LRRFIP2: variants seen among roughly 807,000 people sequenced by gnomAD.
LRRFIP2 encodes leucine-rich repeat flightless-interacting protein 2.
A neutral mutation model predicts 125.9 loss-of-function variants in LRRFIP2; 109 were observed. The observed-to-expected ratio is 0.87, with a 90% confidence interval of 0.74 to 1.01. The LOEUF (loss-of-function observed/expected upper bound fraction) is 1.01, where lower values mean the gene tolerates loss of function less well. Among genes scored for constraint, LRRFIP2 ranks in the 50% least tolerant of loss-of-function variants. The pLI, the probability that LRRFIP2 is intolerant of heterozygous loss-of-function variation, is 0.00. For missense variants in LRRFIP2, 850 were observed against 862.3 expected, an observed-to-expected ratio of 0.99 and a Z score of 0.18; for synonymous variants, 291 against 293.1, an observed-to-expected ratio of 0.99 and a Z score of 0.07.
chr3:37,122,353 T>C (rs115166067), intron 4 of LRRFIP2, among the ~76,000 whole-genome samples: 36 of 152,218 alleles, frequency 2.4e-4, no homozygotes, highest in Admixed American at 7.8e-4. Flanking sequence ...GTTCCTATTT[T>C]ATCAGGCGTA....
At chr3:37,076,353 C>T (rs2092012941) in intron 19 of LRRFIP2, among the ~76,000 whole-genome samples, 1 of 151,792 alleles carries the variant, frequency 6.6e-6, no homozygotes, top group Admixed American at 6.6e-5. Flanking sequence ...GGCAAAACCC[C>T]ATCTCTATAA....
chr3:37,054,340 C>G, intron 27 of LRRFIP2, 71 bp downstream of exon 27: 1 of 1,269,864 alleles, frequency 7.9e-7, no homozygotes, highest in Non-Finnish European at 1.1e-6. Flanking sequence ...TCTTACACAG[C>G]TAAGAATTAT....
upstream of LRRFIP2, chr3:37,175,702 G>C (rs954386897): frequency 1.1e-4 from 17 of 152,310 alleles, no homozygotes; most frequent in African/African-American, 4.1e-4. Flanking sequence ...GGGGGTGCTC[G>C]TCCTGGGACA....
At chr3:37,054,002 A>G (rs755568675) in intron 27 of LRRFIP2, 41 bp from the exon 28 acceptor site, 1 of 1,169,974 alleles carries the variant, frequency 8.5e-7, no homozygotes, top group South Asian at 1.2e-5. Flanking sequence ...GTGGTCAGAA[A>G]CAACATCCAG....
At chr3:37,133,224 C>T (rs2095475117) in intron 2 of LRRFIP2, among the ~76,000 whole-genome samples, 1 of 152,162 alleles carries the variant, frequency 6.6e-6, no homozygotes, top group Non-Finnish European at 1.5e-5. Context: ...AACTCTGTCT[C>T]AGAAAACAAA....
At chr3:37,094,662 T>A in intron 17 of LRRFIP2, 130 bp downstream of exon 17, 1 of 616,644 alleles carries the variant, frequency 1.6e-6, no homozygotes, top group South Asian at 2.1e-5. Context: ...CACACTTTTG[T>A]ACAGTACTTA....
intron 25 of LRRFIP2, among the ~76,000 whole-genome samples, chr3:37,055,820 G>C (rs1420008548): frequency 1.3e-5 from 2 of 152,260 alleles, no homozygotes; most frequent in East Asian, 3.9e-4. Context: ...CTGCCCACGG[G>C]ACTGGGCCCT....
At chr3:37,103,891 A>G (rs891960585) in intron 14 of LRRFIP2, among the ~76,000 whole-genome samples, 2 of 152,194 alleles carry the variant, frequency 1.3e-5, no homozygotes, top group Non-Finnish European at 2.9e-5. Context: ...CACTTAACAC[A>G]GGGCTTTGAA....
intron 8 of LRRFIP2, among the ~76,000 whole-genome samples, chr3:37,112,334 C>CAAAAAAAAAAAAAAAAAAAAAAA (rs1408342199): frequency 1.4e-5 from 1 of 73,014 alleles, no homozygotes; most frequent in Non-Finnish European, 3.0e-5. Context: ...GACTCCATCT[C>CAAAAAAAAAAAAAAAAAAAAAAA]AAAAAAAGAA....
intron 2 of LRRFIP2, among the ~76,000 whole-genome samples, chr3:37,137,581 A>G (rs911017529): frequency 5.3e-5 from 8 of 152,170 alleles, no homozygotes; most frequent in African/African-American, 1.9e-4. Context: ...AGATAGGTAA[A>G]TAATCTTCTC....
At chr3:37,068,461 A>G (rs1429837974) in intron 21 of LRRFIP2, 1 of 152,236 alleles carries the variant, frequency 6.6e-6, no homozygotes, top group African/African-American at 2.4e-5. Flanking sequence ...TCCCATAATT[A>G]CAGATGAGAA....
At chr3:37,166,310 G>C (rs2096488844) in intron 1 of LRRFIP2, among the ~76,000 whole-genome samples, 2 of 151,718 alleles carry the variant, frequency 1.3e-5, no homozygotes, top group Admixed American at 1.3e-4. Context: ...AGCCTGGGCA[G>C]AGCAAGACTC....
At chr3:37,115,150 G>C in intron 6 of LRRFIP2, 55 bp from the exon 7 acceptor site, 1 of 1,192,528 alleles carries the variant, frequency 8.4e-7, no homozygotes, top group South Asian at 1.4e-5. Context: ...GAAATATAAA[G>C]AAGAGAAGAA....
At chr3:37,154,800 T>C (rs1326422397) in intron 1 of LRRFIP2, 1 of 152,250 alleles carries the variant, frequency 6.6e-6, no homozygotes, top group Non-Finnish European at 1.5e-5. Flanking sequence ...AAGAACAGAA[T>C]GTGCATGTAG....
intron 27 of LRRFIP2, among the ~76,000 whole-genome samples, 171 bp from the exon 28 acceptor site, chr3:37,054,132 T>C (rs1019346560): frequency 6.6e-6 from 1 of 152,208 alleles, no homozygotes; most frequent in African/African-American, 2.4e-5. Flanking sequence ...ATACTGAGGA[T>C]TGTTTATTTG....
chr3:37,072,738 A>T, intron 21 of LRRFIP2, 52 bp downstream of exon 21: 1 of 1,063,554 alleles, frequency 9.4e-7, no homozygotes, highest in Non-Finnish European at 1.5e-6. Flanking sequence ...GTTAAATTCT[A>T]CTGTAGTCCT....
At chr3:37,075,694 T>G (rs555210868) in intron 19 of LRRFIP2, among the ~76,000 whole-genome samples, 1 of 152,114 alleles carries the variant, frequency 6.6e-6, no homozygotes, top group Non-Finnish European at 1.5e-5. Flanking sequence ...TTTTCTTTTA[T>G]CATCATCAGA....
chr3:37,154,116 C>A (rs766718309), intron 1 of LRRFIP2, among the ~76,000 whole-genome samples: 2 of 151,900 alleles, frequency 1.3e-5, no homozygotes, highest in Non-Finnish European at 2.9e-5. Context: ...GTCAAGGTTA[C>A]GGTGAGCCGT....
chr3:37,062,759 T>C (rs1294975545), intron 24 of LRRFIP2, among the ~76,000 whole-genome samples: 2 of 151,892 alleles, frequency 1.3e-5, no homozygotes, highest in Non-Finnish European at 2.9e-5. Context: ...AGTGAGAGGG[T>C]AGAATGAAGA....
Sources: gnomAD v4.1 joint callset for allele counts (sites outside exome capture counted in the v4.1 genomes callset) on GRCh38, gnomAD v4.1.1 for gene constraint, MANE v1.5 for transcripts, NCBI Gene and HGNC (gene_info 2026-07-23, HGNC 2026-07-21) for gene names.